The following SIPA1L2 variants were observed in gnomAD, a reference collection of about 807,000 sequenced individuals.
SIPA1L2 encodes the protein signal-induced proliferation-associated 1-like protein 2.
In SIPA1L2, 56 loss-of-function variants were observed where a neutral mutation model predicts 163.9. The ratio of observed to expected loss-of-function variants is 0.34; its 90% CI spans 0.28 to 0.43. SIPA1L2 has a LOEUF of 0.43. Ranked by LOEUF, SIPA1L2 falls within the 20% of genes least tolerant of loss-of-function variation. The probability of loss-of-function intolerance (pLI) is 1.00; values close to 1 mark genes in which losing one functional copy is unlikely to be tolerated. For synonymous variants in SIPA1L2, 877 were observed against 865.7 expected (o/e 1.01, Z -0.23); for missense variants, 1,974 against 2,193.5 (o/e 0.90, Z 2.00).
At chr1:232,575,490 C>A (rs1435356261) in intron 1 of SIPA1L2, among the ~76,000 whole-genome samples, 1 of 152,120 alleles carries the variant, frequency 6.6e-6, no homozygotes, top group African/African-American at 2.4e-5. Flanking sequence ...CCCTCAACTG[C>A]GGCTGAATGT....
chr1:232,595,261 C>G (rs1180678180), intron 1 of SIPA1L2, among the ~76,000 whole-genome samples: 2 of 152,296 alleles, frequency 1.3e-5, no homozygotes, highest in East Asian at 3.9e-4. Flanking sequence ...ACCCCCAGCT[C>G]ATCTAATTTC....
rs536742425 is a variant in SIPA1L2, at chr1:232,398,084, G to C, written c.*1043C>G. The C allele has an allele frequency of 1.3e-5, 2 of 152,612 alleles. No homozygotes were observed. Among genetic ancestry groups the C allele is most frequent in the South Asian group, 2.1e-4 (1 of 4,828 alleles). The allele number at this position is 152,612 out of a possible 1,614,324, so 9.5% of individuals were successfully genotyped here. ...AATGTGTTACTAGCAGCATCCAGTC[G>C]TTAGAATCTCTCACCCTGCTTCTCG... On this transcript the variant is annotated 3_prime_UTR_variant, in exon 23 of 23. Transcript: ENST00000674635.
At chr1:232,542,027 CA>C (rs1176411629) in intron 2 of SIPA1L2, among the ~76,000 whole-genome samples, 5 of 151,864 alleles carry the variant, frequency 3.3e-5, no homozygotes, top group Admixed American at 6.6e-5. Flanking sequence ...TGTTTTTGTA[CA>C]AGATTACATC....
chr1:232,489,239 C>G (rs139304330), intron 5 of SIPA1L2, among the ~76,000 whole-genome samples: 2 of 152,184 alleles, frequency 1.3e-5, no homozygotes, highest in South Asian at 4.1e-4. Flanking sequence ...TTCACCAACT[C>G]TCTTACAACA....
chr1:232,583,426 T>C (rs963188789), intron 1 of SIPA1L2, among the ~76,000 whole-genome samples: 1 of 152,220 alleles, frequency 6.6e-6, no homozygotes, highest in Non-Finnish European at 1.5e-5. Flanking sequence ...CTCATTAAAG[T>C]TGTAGCTTAT....
chr1:232,516,606 T>G (rs1372241267), intron 2 of SIPA1L2, among the ~76,000 whole-genome samples: 8 of 151,958 alleles, frequency 5.3e-5, no homozygotes, highest in Non-Finnish European at 1.0e-4. Flanking sequence ...GCTCTGAGAG[T>G]AGACGATACG....
chr1:232,533,791 T>C (rs952643957), intron 2 of SIPA1L2, among the ~76,000 whole-genome samples: 12 of 152,142 alleles, frequency 7.9e-5, no homozygotes, highest in African/African-American at 2.4e-4. Flanking sequence ...AAGACACTTA[T>C]CTAAAGCTGA....
At chr1:232,572,756 T>C (rs796110543) in intron 2 of SIPA1L2, among the ~76,000 whole-genome samples, 16,162 of 67,082 alleles carry the variant, frequency 0.24, 1,476 homozygotes, top group Middle Eastern at 0.38. Flanking sequence ...TATATATATA[T>C]ATATATATAT....
chr1:232,616,284 C>T (rs950640980), intron 1 of SIPA1L2, among the ~76,000 whole-genome samples: 2 of 152,232 alleles, frequency 1.3e-5, no homozygotes, highest in Non-Finnish European at 2.9e-5. Context: ...CATCATAAAA[C>T]CCGCTGGGCA....
intron 1 of SIPA1L2, among the ~76,000 whole-genome samples, chr1:232,582,390 T>C (rs1660427503): frequency 6.6e-6 from 1 of 152,198 alleles, no homozygotes; most frequent in African/African-American, 2.4e-5. Context: ...ATCCCACTTA[T>C]TAATGAGAAC....
chr1:232,449,601 GAA>G, intron 10 of SIPA1L2, among the ~76,000 whole-genome samples: 1 of 135,340 alleles, frequency 7.4e-6, no homozygotes, highest in South Asian at 2.5e-4. Context: ...TCACAAAAGA[GAA>G]GAGGGAAAAA....
intron 1 of SIPA1L2, among the ~76,000 whole-genome samples, chr1:232,629,136 G>T (rs1361814670): frequency 6.6e-6 from 1 of 152,168 alleles, no homozygotes; most frequent in Admixed American, 6.5e-5. Flanking sequence ...TCTCCCACAG[G>T]GGTAATGCCA....
chr1:232,487,591 A>C (rs1482993099), intron 5 of SIPA1L2, among the ~76,000 whole-genome samples: 2 of 152,178 alleles, frequency 1.3e-5, no homozygotes, highest in Admixed American at 6.5e-5. Context: ...CTATAATTTT[A>C]TGAGTTTACC....
At chr1:232,599,026 A>G (rs1347776633) in intron 1 of SIPA1L2, among the ~76,000 whole-genome samples, 2 of 151,790 alleles carry the variant, frequency 1.3e-5, no homozygotes, top group African/African-American at 4.8e-5. Context: ...TTTAAATGTA[A>G]TTCGACAGCT....
At chr1:232,587,173 C>A (rs750630300) in intron 1 of SIPA1L2, among the ~76,000 whole-genome samples, 3 of 152,152 alleles carry the variant, frequency 2.0e-5, no homozygotes, top group Non-Finnish European at 4.4e-5. Context: ...ATTACACTTG[C>A]CCTAATTATT....
chr1:232,529,799 T>C (rs957241511), intron 2 of SIPA1L2, among the ~76,000 whole-genome samples: 1 of 152,142 alleles, frequency 6.6e-6, no homozygotes, highest in African/African-American at 2.4e-5. Flanking sequence ...TTTATTCTTA[T>C]GGAGGAAAAA....
intron 1 of SIPA1L2, among the ~76,000 whole-genome samples, chr1:232,581,968 T>G (rs1356830761): frequency 6.6e-6 from 1 of 152,216 alleles, no homozygotes; most frequent in South Asian, 2.1e-4. Flanking sequence ...ACTTGTACCT[T>G]TTGCTGGAAC....
chr1:232,590,420 G>A (rs1660900219), intron 1 of SIPA1L2, among the ~76,000 whole-genome samples: 1 of 152,218 alleles, frequency 6.6e-6, no homozygotes. Context: ...AAAGTTGAAG[G>A]AGAAATAAGA....
At chr1:232,427,331 C>G (rs1047081636) in intron 17 of SIPA1L2, among the ~76,000 whole-genome samples, 17 of 152,340 alleles carry the variant, frequency 1.1e-4, no homozygotes, top group African/African-American at 3.6e-4. Flanking sequence ...AGCAGCTTTG[C>G]AGTAGTGTCT....
Sources: allele counts gnomAD v4.1 joint callset (sites outside exome capture counted in the v4.1 genomes callset), GRCh38; gene constraint gnomAD v4.1.1; transcripts MANE v1.5; gene names NCBI Gene and HGNC (gene_info 2026-07-23, HGNC 2026-07-21).